The following SLC38A1 variants were observed in gnomAD, a reference collection of about 807,000 sequenced individuals.
SLC38A1 encodes the protein solute carrier family 38 member 1.
In SLC38A1, 18 loss-of-function variants were observed where a neutral mutation model predicts 60.3. The observed-to-expected ratio is 0.30, with a 90% confidence interval of 0.21 to 0.44. The LOEUF (loss-of-function observed/expected upper bound fraction) is 0.44. SLC38A1 is among the 20% of genes least tolerant of loss of function. The pLI, the probability that SLC38A1 is intolerant of heterozygous loss-of-function variation, is 1.00. For missense variants in SLC38A1, 448 were observed against 587.2 expected, an observed-to-expected ratio of 0.76 and a Z score of 2.45; for synonymous variants, 196 against 212.1, an observed-to-expected ratio of 0.92 and a Z score of 0.66.
At chr12:46,248,362 C>CA (rs1220598411) in intron 1 of SLC38A1, among the ~76,000 whole-genome samples, 3 of 150,752 alleles carry the variant, frequency 2.0e-5, no homozygotes, top group Non-Finnish European at 3.0e-5. Flanking sequence ...AAATGGAAAG[C>CA]AAAAAAAAGT....
intron 3 of SLC38A1, chr12:46,239,145 T>C (rs1279227004): frequency 6.6e-6 from 1 of 152,576 alleles, no homozygotes; most frequent in Non-Finnish European, 1.5e-5. Context: ...AATTGAAAGA[T>C]TTTAAAAGAT....
chr12:46,262,149 T>C (rs2139021831), intron 1 of SLC38A1, among the ~76,000 whole-genome samples: 1 of 152,310 alleles, frequency 6.6e-6, no homozygotes, highest in Admixed American at 6.5e-5. Flanking sequence ...CTTAACAGGA[T>C]CCCAAAACCT....
chr12:46,219,076 G>A (rs1307105304), intron 5 of SLC38A1, among the ~76,000 whole-genome samples: 2 of 152,222 alleles, frequency 1.3e-5, no homozygotes, highest in African/African-American at 4.8e-5. Flanking sequence ...TAATCGTGTA[G>A]TTAATTTGTT....
chr12:46,205,023 T>C (rs1204618762), intron 9 of SLC38A1, among the ~76,000 whole-genome samples: 1 of 152,186 alleles, frequency 6.6e-6, no homozygotes, highest in African/African-American at 2.4e-5. Flanking sequence ...GCATACTGAA[T>C]GTCAGTTATA....
At chr12:46,206,690 G>A (rs1939919420) in intron 8 of SLC38A1, among the ~76,000 whole-genome samples, 2 of 152,170 alleles carry the variant, frequency 1.3e-5, no homozygotes, top group Admixed American at 6.6e-5. Context: ...ACAAGAGGGA[G>A]TCAAAACACA....
At chr12:46,263,466 A>T (rs1942260602) in intron 1 of SLC38A1, among the ~76,000 whole-genome samples, 1 of 152,220 alleles carries the variant, frequency 6.6e-6, no homozygotes, top group Admixed American at 6.5e-5. Context: ...CTAATTTCAA[A>T]TAATTTTAAA....
In SLC38A1 at chr12:46,190,059, G is replaced by T. The variant is rs117370051; in HGVS notation, c.1363-988C>A. 1.8e-3 allele frequency among the ~76,000 whole-genome samples: 271 copies of T among 152,074 alleles called. 1 individual carries two copies. The highest frequency in any genetic ancestry group is 6.8e-3 in the Middle Eastern group (2 of 294). On this transcript the variant is annotated intron_variant, in intron 16 of 16. Transcript: ENST00000398637. ...CCCATCAACTTGTAATTTATATTAGGTATTTCTCGTAATGCTATCCCTCCC... is the reference window on the plus strand; with the variant it reads ...CCCATCAACTTGTAATTTATATTAGTTATTTCTCGTAATGCTATCCCTCCC...
chr12:46,263,627 C>T (rs1942264790), intron 1 of SLC38A1, among the ~76,000 whole-genome samples: 1 of 152,214 alleles, frequency 6.6e-6, no homozygotes, highest in African/African-American at 2.4e-5. Flanking sequence ...GCCTCTTTCT[C>T]CTATACCTTG....
At position 46,184,711 on chromosome 12, in the gene SLC38A1, C is replaced by T. The variant is rs1269542513; in HGVS notation, c.*4259G>A. 6.6e-6 allele frequency: 1 copy of T among 152,214 alleles called. No individual in the cohort carries two copies. Among genetic ancestry groups the T allele is most frequent in the African/African-American group, 2.4e-5 (1 of 41,452 alleles). The allele number at this position is 152,214 out of a possible 1,614,324, so 9.4% of individuals were successfully genotyped here. A position where few individuals can be genotyped will look rare whatever the true frequency, so the allele number is the denominator to read the frequency against. On this transcript the variant is annotated 3_prime_UTR_variant, in exon 17 of 17. Transcript: ENST00000398637. ...CAGGATTATCACCACACGATTAACACAAACACTGGAGAACTTCTGACACAA... is the reference window on the plus strand; with the variant it reads ...CAGGATTATCACCACACGATTAACATAAACACTGGAGAACTTCTGACACAA...
chr12:46,202,675 G>A (rs1939714596), intron 12 of SLC38A1, among the ~76,000 whole-genome samples: 1 of 152,118 alleles, frequency 6.6e-6, no homozygotes, highest in Non-Finnish European at 1.5e-5. Flanking sequence ...TCACCCACTT[G>A]CAAAATACGC....
intron 1 of SLC38A1, among the ~76,000 whole-genome samples, chr12:46,246,197 C>T (rs57447110): frequency 3.9e-5 from 6 of 152,132 alleles, no homozygotes; most frequent in African/African-American, 7.2e-5. Flanking sequence ...CGAAGCAGGG[C>T]GGGGTGTTGC....
chr12:46,233,583 G>C (rs1941153652), intron 3 of SLC38A1, among the ~76,000 whole-genome samples: 1 of 152,186 alleles, frequency 6.6e-6, no homozygotes, highest in South Asian at 2.1e-4. Context: ...TCCAGGCACT[G>C]TGACATGAGG....
chr12:46,214,080 A>G (rs752554577), intron 5 of SLC38A1, among the ~76,000 whole-genome samples: 8 of 152,222 alleles, frequency 5.3e-5, no homozygotes, highest in Non-Finnish European at 1.2e-4. Flanking sequence ...CTACAGAGTA[A>G]TCTTTTCTGC....
chr12:46,231,806 A>G lies in SLC38A1; in HGVS notation c.123-2167T>C, dbSNP rs148611401. 3.9e-3 allele frequency among the ~76,000 whole-genome samples: 593 copies of G among 152,164 alleles called. 5 individuals are homozygous for G. The highest frequency in any genetic ancestry group is 0.013 in the African/African-American group (534 of 41,520). Reference sequence around the variant, plus strand: ...AGGTATGCACCACCACGCCCAGCTAATTTTTGTATTTTTAGTAGAGACGTG... The same window carrying G: ...AGGTATGCACCACCACGCCCAGCTAGTTTTTGTATTTTTAGTAGAGACGTG... On this transcript the variant is annotated intron_variant, in intron 3 of 16. Coordinates refer to ENST00000398637, the MANE Select transcript of SLC38A1 (RefSeq NM_030674.4).
Position 46,183,590 on chromosome 12 carries a change from T to TA in SLC38A1, c.*5379_*5380insT, listed in dbSNP as rs1218619987. 3.3e-4 allele frequency: 51 copies of TA among 152,344 alleles called. No homozygotes were observed. The highest frequency in any genetic ancestry group is 1.1e-3 in the African/African-American group (45 of 41,578). 9.4% of individuals were successfully genotyped at this position (152,344 alleles called of 1,614,324 possible). A position where few individuals can be genotyped will look rare whatever the true frequency, so the allele number is the denominator to read the frequency against. On this transcript the variant is annotated 3_prime_UTR_variant, in exon 17 of 17. Transcript: ENST00000398637. ...GAAAAAAACATTCTTCTCCCCAGCTTCTGTTTTCATATGTACTGTGTAGTG... is the reference window on the plus strand; with the variant it reads ...GAAAAAAACATTCTTCTCCCCAGCTTACTGTTTTCATATGTACTGTGTAGTG...
chr12:46,204,022 T>C (rs1330558342), intron 11 of SLC38A1, among the ~76,000 whole-genome samples: 1 of 152,212 alleles, frequency 6.6e-6, no homozygotes, highest in Non-Finnish European at 1.5e-5. Flanking sequence ...ATGTTGTTAG[T>C]CTGTTTTTGA....
At chr12:46,207,765 G>C (rs1247025038) in intron 6 of SLC38A1, 144 bp from the exon 7 acceptor site, 1 of 712,182 alleles carries the variant, frequency 1.4e-6, no homozygotes, top group East Asian at 2.6e-5. Flanking sequence ...TTGGCCTTCA[G>C]GGGTTAAGGT....
rs139445934 is a variant in SLC38A1, at chr12:46,244,941, T to A, written c.-208-1627A>T. Reference sequence around the variant, plus strand: ...ACACATGTAAAAGTAGACAATGGTATAATGAACTCCCATATACCAACTTCA... The same window carrying A: ...ACACATGTAAAAGTAGACAATGGTAAAATGAACTCCCATATACCAACTTCA... On this transcript the variant is annotated intron_variant, in intron 1 of 16. Transcript: ENST00000398637. 1.2e-3 allele frequency among the ~76,000 whole-genome samples: 186 copies of A among 152,336 alleles called. 2 individuals are homozygous for A. The highest frequency in any genetic ancestry group is 4.0e-3 in the African/African-American group (166 of 41,576).
chr12:46,199,326 TGTGTGTG>T (rs879904805), intron 13 of SLC38A1, among the ~76,000 whole-genome samples: 27,342 of 112,684 alleles, frequency 0.24, 3,146 homozygotes, highest in African/African-American at 0.36. Context: ...TGTGTGTGTG[TGTGTGTG>T]TGTGTGTGTG....
Sources: gnomAD v4.1 joint callset for allele counts (sites outside exome capture counted in the v4.1 genomes callset) on GRCh38, gnomAD v4.1.1 for gene constraint, MANE v1.5 for transcripts, NCBI Gene and HGNC (gene_info 2026-07-23, HGNC 2026-07-21) for gene names.